Variants in GPR84 observed in about 807,000 individuals in gnomAD.
GPR84 encodes the protein G protein-coupled receptor 84.
A neutral mutation model predicts 14.9 loss-of-function variants in GPR84; 8 were observed. That is an observed-to-expected ratio of 0.54 (90% CI 0.31 to 0.97). The LOEUF is 0.97. Among genes scored for constraint, GPR84 ranks in the 50% least tolerant of loss-of-function variants. GPR84 has a pLI of 0.04. For synonymous variants in GPR84, 164 were observed against 198.1 expected, an observed-to-expected ratio of 0.83 and a Z score of 1.45; for missense variants, 424 against 498.7, an observed-to-expected ratio of 0.85 and a Z score of 1.43.
chr12:54,361,922 GC>G (rs1383787849), downstream of GPR84, among the ~76,000 whole-genome samples: 5 of 152,356 alleles, frequency 3.3e-5, no homozygotes, highest in Non-Finnish European at 7.3e-5. This position sits in a 1 kb window ranked among gnomAD's most constrained non-coding sequence, Gnocchi z 4.3. Flanking sequence ...ACCTTTTTCT[GC>G]CTTTGCCTTA....
downstream of GPR84, among the ~76,000 whole-genome samples, chr12:54,362,025 G>A (rs1448715126): frequency 6.6e-6 from 1 of 152,246 alleles, no homozygotes; most frequent in Admixed American, 6.5e-5. This position sits in a 1 kb window ranked among gnomAD's most constrained non-coding sequence, Gnocchi z 4.0. Flanking sequence ...TGGTCCCACT[G>A]GAGTAGATAT....
At chr12:54,350,866 T>C in the GPR84 span, 1 of 313,370 alleles carries the variant, frequency 3.2e-6, no homozygotes, top group South Asian at 4.3e-5. Flanking sequence ...CAGATTAAAG[T>C]AGGAGAAAGA....
chr12:54,363,006 T>A lies in GPR84; in HGVS notation c.846A>T (p.Arg282Ser). The A allele has an allele frequency of 6.2e-7, 1 of 1,614,168 alleles. No individual in the cohort carries two copies. The highest frequency in any genetic ancestry group is 8.5e-7 in the Non-Finnish European group (1 of 1,180,018). ...GGCTTTTCTCTGCCATCTGCTTAGC[T>A]CTCTTGCTGTTGATCTGGTCTCCCA... is the stretch of plus-strand genomic sequence containing the variant. ...SEVGDQINSK[R>S]AKQMAEKSPP... The change falls in exon 2 of 2, where the codon AGA becomes AGT. Residue 282 changes from arginine to serine, a missense_variant. By Grantham distance (110) the Arg-to-Ser change is moderately radical. Coordinates refer to ENST00000267015, the MANE Select transcript of GPR84 (RefSeq NM_020370.3).
downstream of GPR84, among the ~76,000 whole-genome samples, chr12:54,360,243 G>T (rs138796322): frequency 1.5e-3 from 233 of 152,016 alleles, 1 homozygote; most frequent in African/African-American, 5.5e-3. Context: ...TAACCTATTT[G>T]TGCTTCAGTT....
At chr12:54,355,448 C>A in the GPR84 span, among the ~76,000 whole-genome samples, 1 of 152,046 alleles carries the variant, frequency 6.6e-6, no homozygotes, top group Non-Finnish European at 1.5e-5. Flanking sequence ...CCTTGAGGCA[C>A]CCCATACTAG....
rs1227734433 is a variant in GPR84, at chr12:54,363,862, A to G, written c.-8-3T>C. ...AGAGCTGTTCCACATGATAGAGGCT[A>G]AAGAGGCAGAGGGTGGAAGAGGAAG... is the stretch of plus-strand genomic sequence containing the variant. On this transcript the variant is annotated splice_region_variant and splice_polypyrimidine_tract_variant and intron_variant, in intron 1 of 1. Coordinates refer to ENST00000267015, the MANE Select transcript of GPR84 (RefSeq NM_020370.3). The G allele has an allele frequency of 1.3e-6, 2 of 1,553,676 alleles. No homozygotes were observed. Among genetic ancestry groups the G allele is most frequent in the Admixed American group, 3.6e-5 (2 of 55,710 alleles).
chr12:54,363,203 A>G lies in GPR84; in HGVS notation c.649T>C (p.Leu217=), dbSNP rs911459384. The change falls in exon 2 of 2, where the codon TTG becomes CTG. Residue 217 remains leucine (L), a synonymous_variant. Transcript: ENST00000267015. ...RAAQALDQYK[L]RQASIHSNHV... is the part of the protein sequence containing the mutation. ...TTGGAGTGGATGCTTGCCTGTCGCA[A>G]CTTGTATTGGTCCAGTGCCTGTGCT... 2.5e-6 allele frequency: 4 copies of G among 1,614,004 alleles called. No individual in the cohort carries two copies. Among genetic ancestry groups the G allele is most frequent in the African/African-American group, 2.7e-5 (2 of 74,902 alleles).
downstream of GPR84, among the ~76,000 whole-genome samples, chr12:54,358,783 C>T (rs977076673): frequency 2.6e-5 from 4 of 151,332 alleles, no homozygotes; most frequent in African/African-American, 7.3e-5. Flanking sequence ...GCTCCTTAAC[C>T]CTCTCTCTCT....
chr12:54,358,103 C>A (rs1475659044), downstream of GPR84, among the ~76,000 whole-genome samples: 1 of 152,126 alleles, frequency 6.6e-6, no homozygotes, highest in Non-Finnish European at 1.5e-5. Flanking sequence ...GCTGCACCCC[C>A]CAGTGGACCC....
chr12:54,356,418 G>C, the GPR84 span, among the ~76,000 whole-genome samples: 1 of 152,150 alleles, frequency 6.6e-6, no homozygotes, highest in African/African-American at 2.4e-5. Flanking sequence ...CAGGGTGTGT[G>C]CTTGAGGAGA....
At chr12:54,360,256 C>T (rs1280573071), downstream of GPR84, among the ~76,000 whole-genome samples, 1 of 151,868 alleles carries the variant, frequency 6.6e-6, no homozygotes, top group East Asian at 1.9e-4. Flanking sequence ...CTTCAGTTTT[C>T]ACATTTGTAA....
At chr12:54,360,315 G>A (rs1276693495), downstream of GPR84, among the ~76,000 whole-genome samples, 1 of 151,978 alleles carries the variant, frequency 6.6e-6, no homozygotes, top group African/African-American at 2.4e-5. Context: ...AGGATTACAT[G>A]AAATAATATA....
In GPR84 at chr12:54,363,407, C is replaced by T. The variant is rs145898739; in HGVS notation, c.445G>A (p.Val149Met). The T allele has an allele frequency of 5.0e-4, 807 of 1,614,020 alleles. 1 individual carries two copies. The highest frequency in any genetic ancestry group is 3.8e-3 in the African/African-American group (284 of 75,044). Reference sequence around the variant, plus strand: ...GGCCAGAGGGGAGCAAAGCTGGCCACGCCCACAACCCAGGTGCTCACCAGT... The same window carrying T: ...GGCCAGAGGGGAGCAAAGCTGGCCATGCCCACAACCCAGGTGCTCACCAGT... ...LALVSTWVVG[V>M]ASFAPLWPIY... Residue 149 changes from valine to methionine, a missense_variant, in exon 2 of 2, where the codon GTG becomes ATG. By Grantham distance (21) the Val-to-Met change is conservative. Transcript: ENST00000267015.
At chr12:54,353,943 A>C in the GPR84 span, 6 of 152,190 alleles carry the variant, frequency 3.9e-5, no homozygotes, top group Admixed American at 3.9e-4. Context: ...TGGACATCAC[A>C]TCTTTCTGGC....
At chr12:54,359,362 A>T, downstream of GPR84, among the ~76,000 whole-genome samples, 1 of 150,980 alleles carries the variant, frequency 6.6e-6, no homozygotes, top group East Asian at 2.0e-4. Context: ...CCTGTAAGAG[A>T]CAGCGAAAGA....
In GPR84 at chr12:54,362,920, G is replaced by A; in HGVS notation, c.932C>T (p.Ser311Leu). 6.2e-7 allele frequency: 1 copy of A among 1,614,218 alleles called. No individual in the cohort carries two copies. Among genetic ancestry groups the A allele is most frequent in the Non-Finnish European group, 8.5e-7 (1 of 1,180,020 alleles). Residue 311 changes from serine (S) to leucine (L), a missense_variant, in exon 2 of 2, where the codon TCA becomes TTA. Ser to Leu is a moderately radical substitution (Grantham distance 145, BLOSUM62 -2). Coordinates refer to ENST00000267015, the MANE Select transcript of GPR84 (RefSeq NM_020370.3). This position sits in a 1 kb window ranked among gnomAD's most constrained non-coding sequence, Gnocchi z 4.0. ...IKGARRAPDS[S>L]SEFGKVTRMC... ...TCGAGTCACCTTCCCAAATTCCGAT[G>A]AAGAATCCGGAGCTCTTCTGGCTCC...
At chr12:54,357,309 C>T in the GPR84 span, among the ~76,000 whole-genome samples, 2 of 152,284 alleles carry the variant, frequency 1.3e-5, no homozygotes, top group East Asian at 1.9e-4. Context: ...AAGGCCATAG[C>T]GGTTGGAGGG....
chr12:54,352,580 C>T, the GPR84 span, among the ~76,000 whole-genome samples: 2 of 152,018 alleles, frequency 1.3e-5, no homozygotes, highest in African/African-American at 2.4e-5. Context: ...TCACCTCTGC[C>T]GCTCATAAAA....
rs142779252 is a variant in GPR84, at chr12:54,364,198, C to A, written c.-9+195G>T. The A allele has an allele frequency of 3.8e-3, 750 of 197,014 alleles. 5 individuals carry two copies. The highest frequency in any genetic ancestry group is 0.017 in the African/African-American group (711 of 43,076). 12.2% of individuals were successfully genotyped at this position (197,014 alleles called of 1,614,324 possible). ...CAGTGCCCTCCAACTTTTTTAATTCCTTCCCCATCCCCAAAGACCCCCAGG... is the reference window on the plus strand; with the variant it reads ...CAGTGCCCTCCAACTTTTTTAATTCATTCCCCATCCCCAAAGACCCCCAGG... On this transcript the variant is annotated intron_variant, in intron 1 of 1. Coordinates refer to ENST00000267015, the MANE Select transcript of GPR84 (RefSeq NM_020370.3).
Sources: gnomAD v4.1 joint callset for allele counts (sites outside exome capture counted in the v4.1 genomes callset) on GRCh38, gnomAD v4.1.1 for gene constraint, Gnocchi (gnomAD v3.1) non-coding constraint, MANE v1.5 for transcripts, NCBI Gene and HGNC (gene_info 2026-07-23, HGNC 2026-07-21) for gene names.